Variants in CDK12 observed in about 807,000 individuals in gnomAD.
The protein encoded by CDK12 is cyclin dependent kinase 12, also known as cyclin-dependent kinase 12.
Under a neutral mutation model 133.8 loss-of-function variants are expected in CDK12, and 17 were observed. The ratio of observed to expected loss-of-function variants is 0.13; its 90% CI spans 0.09 to 0.19. CDK12 has a LOEUF of 0.19. CDK12 is among the 10% of genes least tolerant of loss of function. The pLI is 1.00. For missense variants in CDK12, 1,508 were observed against 1,818.7 expected (o/e 0.83, Z 3.11); for synonymous variants, 694 against 683.6 (o/e 1.02, Z -0.24).
chr17:39,493,192 AG>A (rs1228790122), intron 4 of CDK12, among the ~76,000 whole-genome samples: 1 of 149,736 alleles, frequency 6.7e-6, no homozygotes, highest in Non-Finnish European at 1.5e-5. Context: ...TAGTAGAAAC[AG>A]GGTTCCACTA....
rs753509537 is a variant in CDK12 at position 39,531,080 on chromosome 17, C to T, written c.4237C>T (p.His1413Tyr). The T allele has an allele frequency of 1.3e-5, 21 of 1,602,570 alleles. No individual in the cohort carries two copies. In the South Asian group the frequency reaches 1.3e-4, roughly 10 times the overall value. Residue 1413 changes from histidine to tyrosine, a missense_variant, in exon 14 of 14, where the codon CAC becomes TAC. Coordinates refer to ENST00000447079, the MANE Select transcript of CDK12 (RefSeq NM_016507.4). ...TTTTGCCAGGGTCCCCTTAGCGTTA[C>T]ACCCGGTGGTCGGGCAACCATTCCT... ...LRFARVPLAL[H>Y]PVVGQPFLKA...
intron 6 of CDK12, among the ~76,000 whole-genome samples, chr17:39,503,332 C>T (rs2052864356): frequency 6.6e-6 from 1 of 152,192 alleles, no homozygotes; most frequent in African/African-American, 2.4e-5. Context: ...CTTGGCCTCC[C>T]AAAGTCCTGG....
At chr17:39,540,709 A>T (rs892500581) in intron 1 of CDK12, among the ~76,000 whole-genome samples, 2 of 149,976 alleles carry the variant, frequency 1.3e-5, no homozygotes, top group Non-Finnish European at 3.0e-5. Context: ...AGAGCCATAA[A>T]GTGGGAGCCC....
chr17:39,531,639 G>A lies in CDK12; in HGVS notation c.*323G>A. 3.6e-6 allele frequency: 1 copy of A among 278,508 alleles called. No individual in the cohort carries two copies. Among genetic ancestry groups the A allele is most frequent in the African/African-American group, 2.1e-5 (1 of 46,816 alleles). 17.3% of individuals were successfully genotyped at this position (278,508 alleles called of 1,614,324 possible). A position where few individuals can be genotyped will look rare whatever the true frequency, so the allele number is the denominator to read the frequency against. ...GTTCATTGCCTGCACTTACTGATCG[G>A]AAGAGAGAAAGAACAGTTTCAGTAT... is the stretch of plus-strand genomic sequence containing the variant. On this transcript the variant is annotated 3_prime_UTR_variant, in exon 14 of 14. Coordinates refer to ENST00000447079, the MANE Select transcript of CDK12 (RefSeq NM_016507.4).
intron 4 of CDK12, 106 bp from the exon 5 acceptor site, chr17:39,494,418 A>G: frequency 2.2e-6 from 2 of 891,960 alleles, no homozygotes; most frequent in Admixed American, 4.6e-5. Flanking sequence ...TGTAAGCATT[A>G]AAGTAAGCAC....
chr17:39,561,550 G>A (rs570881194), intron 3 of CDK12, among the ~76,000 whole-genome samples: 37 of 152,314 alleles, frequency 2.4e-4, no homozygotes, highest in Non-Finnish European at 4.9e-4. Flanking sequence ...CTGGGGCACT[G>A]GTTGAAGCTG....
At position 39,518,661 on chromosome 17, in the gene CDK12, G is replaced by A. The variant is rs8067884; in HGVS notation, c.2963+1105G>A. Reference sequence around the variant, plus strand: ...ACAACCTTCGTCTCCCAGGTTCAAGGAATTCTCCTGCCTCAGCCTTCCAAG... The same window carrying A: ...ACAACCTTCGTCTCCCAGGTTCAAGAAATTCTCCTGCCTCAGCCTTCCAAG... On this transcript the variant is annotated intron_variant, in intron 10 of 13. Transcript: ENST00000447079. Among the ~76,000 whole-genome samples the A allele has an allele frequency of 2.6e-5, 4 of 151,690 alleles. 1 individual carries two copies. Among genetic ancestry groups the A allele is most frequent in the Admixed American group, 6.6e-5 (1 of 15,234 alleles).
Position 39,468,788 on chromosome 17 carries a change from T to C in CDK12, c.1047-2091T>C, listed in dbSNP as rs572334733. Reference sequence around the variant, plus strand: ...CAGTGCCCGGCACTTTTAATGTTTTTATTTTAATTAATTAATTAATTTATT... The same window carrying C: ...CAGTGCCCGGCACTTTTAATGTTTTCATTTTAATTAATTAATTAATTTATT... On this transcript the variant is annotated intron_variant, in intron 1 of 13. Transcript: ENST00000447079. 7.2e-5 allele frequency among the ~76,000 whole-genome samples: 11 copies of C among 151,762 alleles called. No individual in the cohort carries two copies. The South Asian group carries it at 1.9e-3, about 26-fold the overall frequency.
In CDK12 at chr17:39,526,245, A is replaced by G. The variant is rs1475115824; in HGVS notation, c.3689A>G (p.Asn1230Ser). The part of the protein sequence containing the change: ...TQEPAGSLEE[N>S]NSDKNSGPQG... ...GAGCCAGCAGGCAGTCTGGAGGAAA[A>G]CAACAGTGACAAGAACAGTGGGCCA... The change falls in exon 13 of 14, where the codon AAC (asparagine) becomes AGC (serine). Residue 1230 changes from asparagine (N) to serine (S), a missense_variant. Coordinates refer to ENST00000447079, the MANE Select transcript of CDK12 (RefSeq NM_016507.4). The G allele has an allele frequency of 1.2e-6, 2 of 1,611,646 alleles. No homozygotes were observed. Among genetic ancestry groups the G allele is most frequent in the Admixed American group, 1.7e-5 (1 of 59,530 alleles).
chr17:39,480,804 A>G (rs188951879), intron 2 of CDK12, among the ~76,000 whole-genome samples: 9 of 152,314 alleles, frequency 5.9e-5, no homozygotes, highest in African/African-American at 2.2e-4. Context: ...GAATTCAGCT[A>G]ATGGTATTTC....
rs1414746966 is a variant in CDK12 at position 39,462,379 on chromosome 17, A to C, written c.308A>C (p.Asp103Ala). Residue 103 changes from aspartate (D) to alanine (A), a missense_variant, in exon 1 of 14, where the codon GAT (aspartate) becomes GCT (alanine). Physicochemically the swap from Asp to Ala is moderately radical, Grantham distance 126. Coordinates refer to ENST00000447079, the MANE Select transcript of CDK12 (RefSeq NM_016507.4). ...GAGAACGACGAACGTCGTGGATCAG[A>C]TCGGAGCGACCGCCTGCACAAACAT... ...RRENDERRGS[D>A]RSDRLHKHRH... 6.2e-7 allele frequency: 1 copy of C among 1,614,184 alleles called. No homozygotes were observed. Among genetic ancestry groups the C allele is most frequent in the Admixed American group, 1.7e-5 (1 of 59,996 alleles).
intron 2 of CDK12, among the ~76,000 whole-genome samples, chr17:39,485,169 C>G (rs1237778856): frequency 1.3e-5 from 1 of 75,064 alleles, no homozygotes; most frequent in Non-Finnish European, 2.6e-5. Context: ...GACTCTGTCT[C>G]AAAAAAAAAA....
chr17:39,482,802 A>G (rs1471820529), intron 2 of CDK12, among the ~76,000 whole-genome samples: 3 of 151,482 alleles, frequency 2.0e-5, no homozygotes, highest in African/African-American at 7.3e-5. Context: ...GGGTTATGCC[A>G]TATTGGCTAG....
At chr17:39,477,567 A>T (rs1362010365) in intron 2 of CDK12, among the ~76,000 whole-genome samples, 3 of 137,570 alleles carry the variant, frequency 2.2e-5, no homozygotes, top group Non-Finnish European at 3.1e-5. Flanking sequence ...TTATTTATTT[A>T]TTATTTATTT....
chr17:39,516,510 A>G (rs2053814939), intron 9 of CDK12, among the ~76,000 whole-genome samples: 1 of 151,234 alleles, frequency 6.6e-6, no homozygotes, highest in Admixed American at 6.6e-5. Context: ...CTGTAGTCCC[A>G]GCTATTTTTC....
chr17:39,524,333 T>C (rs1428841494), intron 11 of CDK12, among the ~76,000 whole-genome samples: 1 of 152,246 alleles, frequency 6.6e-6, no homozygotes, highest in Non-Finnish European at 1.5e-5. Flanking sequence ...TCGTCTTTAT[T>C]CCCTACTGAA....
chr17:39,503,536 T>C (rs2052880690), intron 6 of CDK12, among the ~76,000 whole-genome samples: 1 of 151,724 alleles, frequency 6.6e-6, no homozygotes, highest in Non-Finnish European at 1.5e-5. Context: ...TTCCCTTTAC[T>C]CCTCCATGAG....
intron 2 of CDK12, among the ~76,000 whole-genome samples, chr17:39,555,808 A>T (rs1026747760): frequency 6.7e-6 from 1 of 149,084 alleles, no homozygotes; most frequent in African/African-American, 2.5e-5. Context: ...AGCCTGGGAA[A>T]CATAGTGAAA....
At chr17:39,511,319 AT>A (rs1489770985) in intron 7 of CDK12, among the ~76,000 whole-genome samples, 1 of 150,986 alleles carries the variant, frequency 6.6e-6, no homozygotes, top group Non-Finnish European at 1.5e-5. Flanking sequence ...AAGTGCTGGT[AT>A]TACAGGCATG....
Sources: gnomAD v4.1 joint callset for allele counts (sites outside exome capture counted in the v4.1 genomes callset) on GRCh38, gnomAD v4.1.1 for gene constraint, MANE v1.5 for transcripts, NCBI Gene and HGNC (gene_info 2026-07-23, HGNC 2026-07-21) for gene names.